The following MAP7D2 variants were observed in gnomAD, a reference collection of about 807,000 sequenced individuals.
The protein encoded by MAP7D2 is MAP7 domain containing 2, also known as MAP7 domain-containing protein 2.
In MAP7D2, 33 loss-of-function variants were observed where a neutral mutation model predicts 63.5. The observed-to-expected ratio is 0.52, with a 90% confidence interval of 0.39 to 0.70. The LOEUF (loss-of-function observed/expected upper bound fraction) is 0.70, where lower values mean the gene tolerates loss of function less well. Ranked by LOEUF, MAP7D2 falls within the 30% of genes least tolerant of loss-of-function variation. MAP7D2 has a pLI of 0.00. For missense variants in MAP7D2, 626 were observed against 604.0 expected (o/e 1.04, Z -0.38); for synonymous variants, 224 against 223.7 (o/e 1.00, Z -0.01).
chrX:20,116,870 C>T lies in MAP7D2; in HGVS notation c.10G>A (p.Gly4Ser), dbSNP rs1445251772. The change falls in exon 1 of 17, where the codon GGC (glycine) becomes AGC (serine). Residue 4 changes from glycine (G) to serine (S), a missense_variant. Transcript: ENST00000379643. MERGGGGSGTGSRP... is the reference protein window; with the variant it reads MERSGGGSGTGSRP... ...GATCCCGTCCCGGAGCCGCCGCCGC[C>T]GCGCTCCATCGGGATGCGCCGGCCG... 8.8e-7 allele frequency: 1 copy of T among 1,135,216 alleles called. No individual in the cohort carries two copies. Among genetic ancestry groups the T allele is most frequent in the Non-Finnish European group, 1.2e-6 (1 of 859,019 alleles). The allele number at this position is 1,135,216 out of a possible 1,213,427, so 93.6% of individuals were successfully genotyped here.
chrX:20,083,513 GCC>G (rs2065829773), intron 1 of MAP7D2, among the ~76,000 whole-genome samples: 3 of 112,066 alleles, frequency 2.7e-5, no homozygotes, highest in Non-Finnish European at 5.6e-5. Flanking sequence ...CCTGTGTGTT[GCC>G]ATTCATCTGT....
At chrX:20,044,264 ATT>A in intron 7 of MAP7D2, 98 bp downstream of exon 7, 1 of 863,173 alleles carries the variant, frequency 1.2e-6, no homozygotes, top group Non-Finnish European at 1.7e-6. Flanking sequence ...GTCCCAGGAG[ATT>A]GATGGAAACA....
At position 20,116,842 on chromosome X, in the gene MAP7D2, C is replaced by T. The variant is rs376445471; in HGVS notation, c.38G>A (p.Arg13Gln). The T allele has an allele frequency of 1.2e-5, 14 of 1,164,141 alleles. No individual in the cohort carries two copies. The Middle Eastern group carries it at 7.4e-4, about 62-fold the overall frequency. ...RGGGGSGTGSRPEGTARGTSL... is the reference protein window; with the variant it reads ...RGGGGSGTGSQPEGTARGTSL... ...GGTTCCCCGCGCAGTCCCCTCAGGCCGGGATCCCGTCCCGGAGCCGCCGCC... is the reference window on the plus strand; with the variant it reads ...GGTTCCCCGCGCAGTCCCCTCAGGCTGGGATCCCGTCCCGGAGCCGCCGCC... The change falls in exon 1 of 17, where the codon CGG becomes CAG. Residue 13 changes from arginine to glutamine, a missense_variant. Transcript: ENST00000379643.
intron 3 of MAP7D2, among the ~76,000 whole-genome samples, chrX:20,062,964 A>G (rs1483008750): frequency 1.8e-5 from 2 of 111,119 alleles, no homozygotes; most frequent in Non-Finnish European, 3.8e-5. Context: ...CCCTGGAGGC[A>G]TGAACTCCCA....
chrX:20,065,092 G>A (rs964503821), intron 1 of MAP7D2, among the ~76,000 whole-genome samples: 5 of 111,142 alleles, frequency 4.5e-5, no homozygotes, highest in African/African-American at 1.6e-4. Context: ...GGCAGACAAG[G>A]GGTCAGAAAG....
intron 5 of MAP7D2, 27 bp from the exon 6 acceptor site, chrX:20,050,973 T>G: frequency 9.0e-7 from 1 of 1,107,462 alleles, no homozygotes; most frequent in Non-Finnish European, 1.2e-6. Flanking sequence ...AATGAAAATT[T>G]TAAAAAGCAA....
chrX:20,063,275 G>T, intron 3 of MAP7D2, 139 bp downstream of exon 3: 1 of 587,345 alleles, frequency 1.7e-6, no homozygotes, highest in Non-Finnish European at 2.6e-6. Context: ...TCATGTTGCT[G>T]AAAGAAGGCA....
chrX:20,063,886 C>T (rs375532282), intron 2 of MAP7D2, among the ~76,000 whole-genome samples: 7 of 112,476 alleles, frequency 6.2e-5, no homozygotes, highest in African/African-American at 2.3e-4. Context: ...TGCCTCCCCA[C>T]GTGGGAGCTA....
At chrX:20,027,169 C>T (rs779316210) in intron 8 of MAP7D2, among the ~76,000 whole-genome samples, 3 of 111,819 alleles carry the variant, frequency 2.7e-5, no homozygotes, top group African/African-American at 9.8e-5. Flanking sequence ...TGTCCTCATG[C>T]CATTAGGCCT....
At chrX:20,063,342 C>A (rs1268893778) in intron 3 of MAP7D2, 72 bp downstream of exon 3, 7 of 1,116,632 alleles carry the variant, frequency 6.3e-6, no homozygotes, top group Non-Finnish European at 7.2e-6. Flanking sequence ...CAGAGCTGGG[C>A]AGGATGCCCA....
intron 6 of MAP7D2, among the ~76,000 whole-genome samples, chrX:20,048,682 T>C (rs2064863084): frequency 9.1e-6 from 1 of 110,373 alleles, no homozygotes; most frequent in African/African-American, 3.3e-5. Context: ...TCCTAGAACT[T>C]TGGGAGGCCA....
chrX:20,013,095 C>A lies in MAP7D2; in HGVS notation c.1844G>T (p.Cys615Phe), dbSNP rs1467452089. The A allele has an allele frequency of 1.7e-6, 2 of 1,211,372 alleles. No homozygotes were observed. The highest frequency in any genetic ancestry group is 3.5e-5 in the African/African-American group (2 of 57,899). ...AACCAGTTTTGTCTTCTTTTCCACACACACAGCAGGCTGGACCCCCACTTT... is the reference window on the plus strand; with the variant it reads ...AACCAGTTTTGTCTTCTTTTCCACAAACACAGCAGGCTGGACCCCCACTTT... ...DPKVGVQPAV[C>F]VEKKTKLVVP... is the part of the protein sequence containing the mutation. Residue 615 changes from cysteine (C) to phenylalanine (F), a missense_variant, in exon 14 of 17, where the codon TGT (cysteine) becomes TTT (phenylalanine). Physicochemically the swap from Cys to Phe is radical, Grantham distance 205 (BLOSUM62 -2). Coordinates refer to ENST00000379643, the MANE Select transcript of MAP7D2 (RefSeq NM_001168465.2).
chrX:20,083,849 G>T (rs2065837680), intron 1 of MAP7D2, among the ~76,000 whole-genome samples: 1 of 111,375 alleles, frequency 9.0e-6, no homozygotes, highest in Non-Finnish European at 1.9e-5. Context: ...CTGGCATCTA[G>T]TGGGTACAGG....
At chrX:20,052,115 G>C (rs2148325376) in intron 5 of MAP7D2, among the ~76,000 whole-genome samples, 1 of 112,560 alleles carries the variant, frequency 8.9e-6, no homozygotes, top group Non-Finnish European at 1.9e-5. Flanking sequence ...TGCCCTTGGT[G>C]ATAACTTGTG....
At chrX:20,048,294 G>A (rs1162182309) in intron 6 of MAP7D2, among the ~76,000 whole-genome samples, 1 of 111,734 alleles carries the variant, frequency 8.9e-6, no homozygotes, top group Non-Finnish European at 1.9e-5. Flanking sequence ...TGTAAAAACC[G>A]TTGGCACTGA....
intron 1 of MAP7D2, among the ~76,000 whole-genome samples, chrX:20,106,925 T>G (rs1603409586): frequency 9.4e-6 from 1 of 106,391 alleles, no homozygotes; most frequent in Non-Finnish European, 1.9e-5. Flanking sequence ...GGGGCTGCAG[T>G]GAGCTGTGAT....
intron 15 of MAP7D2, among the ~76,000 whole-genome samples, chrX:20,011,901 G>A (rs1369336710): frequency 8.9e-6 from 1 of 112,537 alleles, no homozygotes; most frequent in Non-Finnish European, 1.9e-5. Context: ...CTGAGGGCCT[G>A]TCACCAGGAA....
chrX:20,087,331 A>G (rs1428635925), intron 1 of MAP7D2, among the ~76,000 whole-genome samples: 2 of 111,381 alleles, frequency 1.8e-5, no homozygotes, highest in African/African-American at 6.5e-5. Context: ...GTTAGTTCCC[A>G]TGAGAGTCCC....
intron 10 of MAP7D2, among the ~76,000 whole-genome samples, chrX:20,022,692 G>T (rs1209770011): frequency 8.9e-6 from 1 of 111,884 alleles, no homozygotes; most frequent in Non-Finnish European, 1.9e-5. Flanking sequence ...GAGGAGATGG[G>T]AACACAGAGC....
Sources: allele counts gnomAD v4.1 joint callset (sites outside exome capture counted in the v4.1 genomes callset), GRCh38; gene constraint gnomAD v4.1.1; transcripts MANE v1.5; gene names NCBI Gene and HGNC (gene_info 2026-07-23, HGNC 2026-07-21).